The following RLF variants were observed in gnomAD, a reference collection of about 807,000 sequenced individuals.
The protein encoded by RLF is zinc finger protein Rlf.
RLF carries 7 observed loss-of-function variants against 162.9 expected under a neutral mutation model. The ratio of observed to expected loss-of-function variants is 0.04; its 90% CI spans 0.02 to 0.08. The LOEUF (loss-of-function observed/expected upper bound fraction) is 0.08. Among genes scored for constraint, RLF ranks in the 10% least tolerant of loss-of-function variants. The pLI is 1.00. For missense variants in RLF, 1,664 were observed against 2,244.7 expected (o/e 0.74, Z 5.23); for synonymous variants, 782 against 791.5 (o/e 0.99, Z 0.20).
chr1:40,224,344 T>C (rs1643035349), intron 6 of RLF, among the ~76,000 whole-genome samples: 2 of 149,106 alleles, frequency 1.3e-5, no homozygotes. Flanking sequence ...AGTCTTGCTC[T>C]GTCACCCAGG....
chr1:40,239,018 A>C lies in RLF; in HGVS notation c.4316A>C (p.His1439Pro). The change falls in exon 8 of 8, where the codon CAT becomes CCT. Residue 1439 changes from histidine (H) to proline (P), a missense_variant. Around this residue, in one of 15 missense-constraint regions of RLF, gnomAD observed 200 missense variants for 207.3 expected, o/e 0.96. Coordinates refer to ENST00000372771, the MANE Select transcript of RLF (RefSeq NM_012421.4). ...MEQHNIEGEI[H>P]SDYEIHCDLN... The stretch of plus-strand genomic sequence containing the variant: ...CAGCATAATATTGAAGGGGAAATAC[A>C]TTCAGATTATGAAATTCATTGTGAT... 1 of 1,614,232 alleles carries C rather than the reference A, an allele frequency of 6.2e-7. No individual in the cohort carries two copies. The highest frequency in any genetic ancestry group is 8.5e-7 in the Non-Finnish European group (1 of 1,180,012).
At chr1:40,234,147 G>T (rs542883779) in intron 7 of RLF, among the ~76,000 whole-genome samples, 1 of 152,038 alleles carries the variant, frequency 6.6e-6, no homozygotes, top group African/African-American at 2.4e-5. Context: ...ATGGGGTTTT[G>T]CCATGTTGGC....
intron 1 of RLF, among the ~76,000 whole-genome samples, chr1:40,179,774 G>C (rs1642383001): frequency 6.6e-6 from 1 of 151,758 alleles, no homozygotes; most frequent in African/African-American, 2.4e-5. Flanking sequence ...TCACCTTCTG[G>C]CAACCATCAT....
At chr1:40,222,803 C>A in intron 6 of RLF, 93 bp downstream of exon 6, 1 of 1,044,792 alleles carries the variant, frequency 9.6e-7, no homozygotes, top group Non-Finnish European at 1.4e-6. Context: ...TAATTTAAAA[C>A]CTAGCATGAC....
chr1:40,209,648 C>T (rs551070451), intron 5 of RLF, among the ~76,000 whole-genome samples: 4 of 152,152 alleles, frequency 2.6e-5, no homozygotes, highest in South Asian at 2.1e-4. Flanking sequence ...GAGGCCGAGG[C>T]GGGCAGATCA....
Position 40,190,816 on chromosome 1 carries a change from C to T in RLF, c.437C>T (p.Pro146Leu), listed in dbSNP as rs752681241. 2.5e-6 allele frequency: 4 copies of T among 1,613,014 alleles called. No individual in the cohort carries two copies. The highest frequency in any genetic ancestry group is 2.2e-5 in the South Asian group (2 of 90,946). Residue 146 changes from proline (P) to leucine (L), a missense_variant, in exon 3 of 8, where the codon CCA becomes CTA. By Grantham distance (98) the Pro-to-Leu change is moderately conservative. Transcript: ENST00000372771. ...CTTTCAGTGTCTGAAAGTGAACTGCCATGTGAAGTCTGGCTACCATTCCTT... is the reference window on the plus strand; with the variant it reads ...CTTTCAGTGTCTGAAAGTGAACTGCTATGTGAAGTCTGGCTACCATTCCTT... ...LLLSVSESEL[P>L]CEVWLPFLQS... is the part of the protein sequence containing the mutation.
At chr1:40,207,163 C>T (rs921284963) in intron 5 of RLF, among the ~76,000 whole-genome samples, 2 of 152,086 alleles carry the variant, frequency 1.3e-5, no homozygotes, top group African/African-American at 4.8e-5. Flanking sequence ...CTGGTATATC[C>T]CTGTATTCTA....
At chr1:40,234,117 T>A (rs554175250) in intron 7 of RLF, among the ~76,000 whole-genome samples, 42 of 152,202 alleles carry the variant, frequency 2.8e-4, no homozygotes, top group African/African-American at 1.0e-3. Context: ...CCTGGCTAAT[T>A]TTTTGTATTT....
At chr1:40,164,065 C>CA (rs1306016308) in intron 1 of RLF, among the ~76,000 whole-genome samples, 1 of 152,156 alleles carries the variant, frequency 6.6e-6, no homozygotes, top group East Asian at 1.9e-4. Context: ...GATTGTGTGA[C>CA]AGTTCTGAAG....
chr1:40,240,098 G>A lies in RLF; in HGVS notation c.5396G>A (p.Ser1799Asn). 4 of 1,614,102 alleles carry A rather than the reference G, an allele frequency of 2.5e-6. No homozygotes were observed. Among genetic ancestry groups the A allele is most frequent in the Non-Finnish European group, 2.5e-6 (3 of 1,179,954 alleles). The change falls in exon 8 of 8, where the codon AGT (serine) becomes AAT (asparagine). Residue 1799 changes from serine to asparagine, a missense_variant. Transcript: ENST00000372771. ...DWEPSEHLTL[S>N]NSSQSSNDLT... ...GAGCCTTCAGAGCACTTAACATTAAGTAATTCTTCACAGTCCAGTAATGAT... is the reference window on the plus strand; with the variant it reads ...GAGCCTTCAGAGCACTTAACATTAAATAATTCTTCACAGTCCAGTAATGAT...
At position 40,202,401 on chromosome 1, in the gene RLF, AT is replaced by A; in HGVS notation, c.608-5del. The A allele has an allele frequency of 2.6e-6, 4 of 1,556,534 alleles. No homozygotes were observed. Among genetic ancestry groups the A allele is most frequent in the Non-Finnish European group, 3.5e-6 (4 of 1,154,930 alleles). ...ATGTTGTCAAACTGTTTTATTTTTC[AT>A]TTTTTCTAGTCAATAAATTGATTGC... On this transcript the variant is annotated splice_polypyrimidine_tract_variant and intron_variant, in intron 4 of 7. Transcript: ENST00000372771.
chr1:40,231,433 C>A, intron 6 of RLF, 84 bp from the exon 7 acceptor site: 1 of 1,228,408 alleles, frequency 8.1e-7, no homozygotes, highest in Non-Finnish European at 1.2e-6. Flanking sequence ...CAGCTTTCTA[C>A]AGATCAAAAA....
chr1:40,211,012 C>T (rs1432620764), intron 5 of RLF, among the ~76,000 whole-genome samples: 1 of 152,184 alleles, frequency 6.6e-6, no homozygotes, highest in Admixed American at 6.5e-5. Flanking sequence ...CACCCAGCTA[C>T]CTGTTTTTAT....
In RLF at chr1:40,176,107, A is replaced by G. The variant is rs369457204; in HGVS notation, c.238-12948A>G. On this transcript the variant is annotated intron_variant, in intron 1 of 7. Transcript: ENST00000372771. ...TAGTTTATTTTATTGATGAGTATTC[A>G]TTATATGGATATATCATGATTTGTT... is the stretch of plus-strand genomic sequence containing the variant. Among the ~76,000 whole-genome samples the G allele has an allele frequency of 7.9e-5, 12 of 152,316 alleles. No homozygotes were observed. The South Asian group carries it at 2.5e-3, about 32-fold the overall frequency.
chr1:40,209,898 A>G (rs1023797038), intron 5 of RLF, among the ~76,000 whole-genome samples: 1 of 151,422 alleles, frequency 6.6e-6, no homozygotes, highest in Middle Eastern at 3.4e-3. Flanking sequence ...AAAAAAGGCG[A>G]TCATAAGAGA....
chr1:40,216,338 A>G (rs1642923622), intron 5 of RLF, among the ~76,000 whole-genome samples: 1 of 151,922 alleles, frequency 6.6e-6, no homozygotes, highest in African/African-American at 2.4e-5. Context: ...CAAAAAACAA[A>G]TCAGCTGGGC....
rs777087531 is a variant in RLF at position 40,237,390 on chromosome 1, T to C, written c.2688T>C (p.Ser896=). 1 of 1,614,002 alleles carries C rather than the reference T, an allele frequency of 6.2e-7. No homozygotes were observed. Among genetic ancestry groups the C allele is most frequent in the Non-Finnish European group, 8.5e-7 (1 of 1,179,988 alleles). ...TGAAAGAAAACAGTGACAGTAATTCTAGTGATCAGTTAAGTCATAGCTCTT... is the reference window on the plus strand; with the variant it reads ...TGAAAGAAAACAGTGACAGTAATTCCAGTGATCAGTTAAGTCATAGCTCTT... ...ENLKENSDSN[S]SDQLSHSSSA... is the part of the protein sequence containing the mutation. The change falls in exon 8 of 8, where the codon TCT becomes TCC. Residue 896 remains serine (S), a synonymous_variant. Coordinates refer to ENST00000372771, the MANE Select transcript of RLF (RefSeq NM_012421.4). This position sits in a 1 kb window ranked among gnomAD's most constrained non-coding sequence, Gnocchi z 4.4.
chr1:40,175,693 G>A (rs898912664), intron 1 of RLF, among the ~76,000 whole-genome samples: 1 of 151,494 alleles, frequency 6.6e-6, no homozygotes, highest in Admixed American at 6.6e-5. Flanking sequence ...GGCTGAGGCA[G>A]GAGAATCTCT....
At chr1:40,223,483 G>A (rs943063583) in intron 6 of RLF, among the ~76,000 whole-genome samples, 5 of 152,158 alleles carry the variant, frequency 3.3e-5, no homozygotes, top group Non-Finnish European at 7.4e-5. Flanking sequence ...GGTTGGATTT[G>A]CATTATCTTG....
Sources: gnomAD v4.1 joint callset for allele counts (sites outside exome capture counted in the v4.1 genomes callset) on GRCh38, gnomAD v4.1.1 for gene constraint, gnomAD v4.1.1 regional missense constraint, Gnocchi (gnomAD v3.1) non-coding constraint, MANE v1.5 for transcripts, NCBI Gene and HGNC (gene_info 2026-07-23, HGNC 2026-07-21) for gene names.